Variants in DACH1 observed in about 807,000 individuals in gnomAD.
DACH1 encodes the protein dachshund homolog 1.
A neutral mutation model predicts 54.2 loss-of-function variants in DACH1; 12 were observed. The observed-to-expected ratio is 0.22, with a 90% CI of 0.14 to 0.36. The LOEUF (loss-of-function observed/expected upper bound fraction) is 0.36, where lower values mean the gene tolerates loss of function less well. Among genes scored for constraint, DACH1 ranks in the 10% least tolerant of loss-of-function variants. The pLI is 1.00. For synonymous variants in DACH1, 386 were observed against 366.2 expected (o/e 1.05, Z -0.62); for missense variants, 805 against 929.8 (o/e 0.87, Z 1.75).
chr13:71,697,150 G>A lies in DACH1; in HGVS notation c.849-15240C>T, dbSNP rs145298155. Among the ~76,000 whole-genome samples the A allele has an allele frequency of 2.8e-3, 422 of 152,210 alleles. 1 individual carries two copies. Among genetic ancestry groups the A allele is most frequent in the African/African-American group, 9.5e-3 (396 of 41,522 alleles). ...ACTATCTGTCTTGCATATTTCATGA[G>A]GGCAGAGATTTTGAATGTTTTGTTC... On this transcript the variant is annotated intron_variant, in intron 1 of 10. Transcript: ENST00000613252.
chr13:71,580,599 T>C (rs563683241), intron 3 of DACH1, among the ~76,000 whole-genome samples: 1 of 152,192 alleles, frequency 6.6e-6, no homozygotes. Context: ...TGAGGAAAAT[T>C]GCTATTGAAT....
intron 2 of DACH1, among the ~76,000 whole-genome samples, chr13:71,654,293 G>A (rs1017306984): frequency 1.3e-5 from 2 of 151,492 alleles, no homozygotes; most frequent in African/African-American, 4.9e-5. Flanking sequence ...GGGAGGCTGA[G>A]GCAGGAGAAT....
intron 3 of DACH1, among the ~76,000 whole-genome samples, chr13:71,613,026 C>T (rs767115257): frequency 1.3e-5 from 2 of 152,218 alleles, no homozygotes; most frequent in Admixed American, 6.5e-5. Flanking sequence ...ATGAAGCAAA[C>T]AGGCTTGCAA....
intron 4 of DACH1, among the ~76,000 whole-genome samples, 159 bp downstream of exon 4, chr13:71,572,681 G>A (rs1041142717): frequency 1.2e-4 from 18 of 152,026 alleles, no homozygotes; most frequent in African/African-American, 4.3e-4. Flanking sequence ...TAAGTAATGT[G>A]CCCCTGGGGC....
chr13:71,468,747 A>G (rs1409313408), intron 10 of DACH1, among the ~76,000 whole-genome samples: 1 of 152,224 alleles, frequency 6.6e-6, no homozygotes, highest in Non-Finnish European at 1.5e-5. Context: ...TCATAAATTC[A>G]TTACATGTTA....
intron 1 of DACH1, among the ~76,000 whole-genome samples, chr13:71,744,540 A>G (rs1436205605): frequency 6.6e-6 from 1 of 152,158 alleles, no homozygotes; most frequent in Non-Finnish European, 1.5e-5. Context: ...CTATCCACAT[A>G]GGAACCAGGA....
chr13:71,782,356 T>G (rs554134634), intron 1 of DACH1, among the ~76,000 whole-genome samples: 3 of 152,050 alleles, frequency 2.0e-5, no homozygotes, highest in Non-Finnish European at 4.4e-5. Context: ...GCAGAAGAAC[T>G]GCTTGAACCT....
intron 1 of DACH1, among the ~76,000 whole-genome samples, chr13:71,695,986 T>C (rs1043992410): frequency 3.9e-5 from 6 of 152,226 alleles, no homozygotes; most frequent in Admixed American, 2.0e-4. Flanking sequence ...ACAGTGCTCA[T>C]AATTTAATAG....
intron 3 of DACH1, among the ~76,000 whole-genome samples, chr13:71,603,272 G>A: frequency 6.6e-6 from 1 of 151,888 alleles, no homozygotes; most frequent in Non-Finnish European, 1.5e-5. Context: ...ATTACTCCAG[G>A]AAAATACCAA....
chr13:71,493,276 GC>G (rs547691907), intron 6 of DACH1, among the ~76,000 whole-genome samples: 3 of 152,178 alleles, frequency 2.0e-5, no homozygotes, highest in Non-Finnish European at 4.4e-5. Flanking sequence ...ACATGAGACA[GC>G]CCTGTGGAGA....
In DACH1 at chr13:71,866,500, G is replaced by A. The variant is rs1265714343; in HGVS notation, c.270C>T (p.Gly90=). 1.1e-5 allele frequency: 13 copies of A among 1,220,046 alleles called. No homozygotes were observed. The African/African-American group carries it at 2.1e-4, about 19-fold the overall frequency. The allele number at this position is 1,220,046 out of a possible 1,614,324, so 75.6% of individuals were successfully genotyped here. A position where few individuals can be genotyped will look rare whatever the true frequency, so the allele number is the denominator to read the frequency against. The change falls in exon 1 of 11, where the codon GGC becomes GGT. Residue 90 remains glycine, a synonymous_variant. Coordinates refer to ENST00000613252, the MANE Select transcript of DACH1 (RefSeq NM_080759.6). ...CGCCGCCGCCACCGCCGCCTCCGTT[G>A]CCGCTGCTGCCGCCGCCGCCTCCGC... ...GGSGGGGGSS[G]NGGGGGGGGG...
intron 2 of DACH1, among the ~76,000 whole-genome samples, chr13:71,637,381 G>A (rs1256231770): frequency 6.6e-6 from 1 of 152,142 alleles, no homozygotes; most frequent in Non-Finnish European, 1.5e-5. Context: ...TCTATGTTTA[G>A]TTTTACCTTT....
intron 7 of DACH1, among the ~76,000 whole-genome samples, chr13:71,487,259 T>C (rs1429836160): frequency 1.3e-5 from 2 of 152,170 alleles, no homozygotes; most frequent in Non-Finnish European, 2.9e-5. Flanking sequence ...GTCTTGACCA[T>C]TGTCCTTTTA....
At chr13:71,611,045 G>A (rs775736210) in intron 3 of DACH1, among the ~76,000 whole-genome samples, 7 of 152,092 alleles carry the variant, frequency 4.6e-5, no homozygotes, top group Non-Finnish European at 7.4e-5. Flanking sequence ...CAATGATCTC[G>A]TTGTGAACGT....
Position 71,866,299 on chromosome 13 carries a change from G to C in DACH1, c.471C>G (p.Ser157Arg), listed in dbSNP as rs758947761. The change falls in exon 1 of 11, where the codon AGC (serine) becomes AGG (arginine). Residue 157 changes from serine (S) to arginine (R), a missense_variant. Ser to Arg is a moderately radical substitution (Grantham distance 110). Around this residue, in one of 3 missense-constraint regions of DACH1, gnomAD observed 305 missense variants for 308.7 expected, o/e 0.99. Coordinates refer to ENST00000613252, the MANE Select transcript of DACH1 (RefSeq NM_080759.6). The part of the protein sequence containing the change: ...SSSSSSSSSS[S>R]SSSSSSCGPL... ...GGCCGCAGCTGCTGCTGCTACTGCT[G>C]CTGCTGCTACTACTGCTGCTGCTGC... is the stretch of plus-strand genomic sequence containing the variant. 1.9e-6 allele frequency: 3 copies of C among 1,565,214 alleles called. No individual in the cohort carries two copies. Among genetic ancestry groups the C allele is most frequent in the Admixed American group, 3.8e-5 (2 of 52,466 alleles).
chr13:71,497,632 T>C (rs1977536), intron 6 of DACH1, among the ~76,000 whole-genome samples: 141,927 of 152,162 alleles, frequency 0.93, 67,001 homozygotes, highest in East Asian at 1. Flanking sequence ...GCGCCCCTGC[T>C]CTAAGTCTGT....
intron 1 of DACH1, among the ~76,000 whole-genome samples, chr13:71,848,141 T>C (rs765118664): frequency 6.6e-6 from 1 of 152,142 alleles, no homozygotes; most frequent in Non-Finnish European, 1.5e-5. Flanking sequence ...CCCGCTTTAA[T>C]TTTCTATAGA....
At chr13:71,584,110 T>C (rs1338945682) in intron 3 of DACH1, among the ~76,000 whole-genome samples, 1 of 152,200 alleles carries the variant, frequency 6.6e-6, no homozygotes, top group Non-Finnish European at 1.5e-5. Flanking sequence ...TAGATAAGCC[T>C]GGCCTAAGAC....
intron 1 of DACH1, among the ~76,000 whole-genome samples, chr13:71,757,228 A>C (rs922303130): frequency 6.6e-6 from 1 of 152,228 alleles, no homozygotes; most frequent in Non-Finnish European, 1.5e-5. Context: ...ATAGTAATTC[A>C]AGACTTGGGA....
Sources: allele counts gnomAD v4.1 joint callset (sites outside exome capture counted in the v4.1 genomes callset), GRCh38; gene constraint gnomAD v4.1.1; regional missense constraint gnomAD v4.1.1; transcripts MANE v1.5; gene names NCBI Gene and HGNC (gene_info 2026-07-23, HGNC 2026-07-21).